TAF2: variants seen among roughly 807,000 people sequenced by gnomAD.
TAF2 encodes TATA-box binding protein associated factor 2.
A neutral mutation model predicts 138.5 loss-of-function variants in TAF2; 61 were observed. That is an observed-to-expected ratio of 0.44 (90% CI 0.36 to 0.54). The LOEUF (loss-of-function observed/expected upper bound fraction) is 0.54. Among genes scored for constraint, TAF2 ranks in the 20% least tolerant of loss-of-function variants. The probability of loss-of-function intolerance (pLI) is 0.00; values close to 1 mark genes in which losing one functional copy is unlikely to be tolerated. For synonymous variants in TAF2, 475 were observed against 469.9 expected (o/e 1.01, Z -0.14); for missense variants, 1,090 against 1,427.9 (o/e 0.76, Z 3.81).
chr8:119,808,481 GT>G (rs1366643134), intron 3 of TAF2, among the ~76,000 whole-genome samples: 1 of 152,152 alleles, frequency 6.6e-6, no homozygotes, highest in Non-Finnish European at 1.5e-5. Context: ...CCAAACCCTT[GT>G]TCATGTTGAT....
rs552791621 is a variant in TAF2, at chr8:119,754,512, A to G, written c.2878+1494T>C. 7.2e-5 allele frequency among the ~76,000 whole-genome samples: 11 copies of G among 152,046 alleles called. No homozygotes were observed. The South Asian group carries it at 1.0e-3, about 14-fold the overall frequency. ...AGCCTGGCCAACATGGTGAAACCCC[A>G]TCTCTACTAAAAATACAGAAGTTAG... is the stretch of plus-strand genomic sequence containing the variant. On this transcript the variant is annotated intron_variant, in intron 22 of 25. Transcript: ENST00000378164.
chr8:119,764,250 C>T (rs1052353532), intron 18 of TAF2, among the ~76,000 whole-genome samples: 8 of 152,144 alleles, frequency 5.3e-5, no homozygotes, highest in African/African-American at 1.9e-4. Context: ...AGGCATGGAA[C>T]ACACAAGAAC....
At chr8:119,757,935 TA>T in intron 21 of TAF2, 137 bp downstream of exon 21, 1 of 774,014 alleles carries the variant, frequency 1.3e-6, no homozygotes, top group East Asian at 2.5e-5. Context: ...AAATCAAATT[TA>T]AAAAGGACAT....
Position 119,731,408 on chromosome 8 carries a change from C to T in TAF2, c.*516G>A, listed in dbSNP as rs963026648. 17 of 153,460 alleles carry T rather than the reference C, an allele frequency of 1.1e-4. No individual in the cohort carries two copies. Among genetic ancestry groups the T allele is most frequent in the Non-Finnish European group, 1.0e-4 (7 of 68,844 alleles). The allele number at this position is 153,460 out of a possible 1,614,324, so 9.5% of individuals were successfully genotyped here. On this transcript the variant is annotated 3_prime_UTR_variant, in exon 26 of 26. Transcript: ENST00000378164. Reference sequence around the variant, plus strand: ...CATAAATTCTGATGCTTAGTTTCTACGTTAATACAAAAATGGTGCAATAAG... The same window carrying T: ...CATAAATTCTGATGCTTAGTTTCTATGTTAATACAAAAATGGTGCAATAAG...
chr8:119,766,557 A>AG (rs1208039733), intron 18 of TAF2, among the ~76,000 whole-genome samples: 1 of 152,220 alleles, frequency 6.6e-6, no homozygotes, highest in Admixed American at 6.5e-5. Context: ...TGGGAGGCTG[A>AG]GGTGGGTGGA....
At chr8:119,828,874 C>T (rs1826261526) in intron 2 of TAF2, among the ~76,000 whole-genome samples, 1 of 152,190 alleles carries the variant, frequency 6.6e-6, no homozygotes, top group Non-Finnish European at 1.5e-5. Flanking sequence ...CTTTGTGGGT[C>T]ACACAGTCTC....
In TAF2 at chr8:119,791,442, T is replaced by C. The variant is rs1199965661; in HGVS notation, c.1295A>G (p.His432Arg). 1 of 1,613,652 alleles carries C rather than the reference T, an allele frequency of 6.2e-7. No homozygotes were observed. Among genetic ancestry groups the C allele is most frequent in the South Asian group, 1.1e-5 (1 of 91,072 alleles). ...TGTATGTGGATGCTTTATTGAAAAG[T>C]GTAGATGGGAAGCCGGACTAAAAAA... ...KEKDNPASHL[H>R]FSIKHPHTLS... The change falls in exon 11 of 26, where the codon CAC becomes CGC. Residue 432 changes from histidine to arginine, a missense_variant. Physicochemically the swap from His to Arg is conservative, Grantham distance 29 (BLOSUM62 0). This residue lies in a region of TAF2 where 504 missense variants were observed against 680.9 expected (regional missense o/e 0.74). Transcript: ENST00000378164.
chr8:119,786,636 C>T (rs1304893638), intron 14 of TAF2, among the ~76,000 whole-genome samples: 1 of 152,192 alleles, frequency 6.6e-6, no homozygotes, highest in Non-Finnish European at 1.5e-5. Context: ...ATTAGGTATA[C>T]ATAGGCCGGG....
At position 119,797,723 on chromosome 8, in the gene TAF2, T is replaced by A. The variant is rs1476157767; in HGVS notation, c.916A>T (p.Thr306Ser). 9.3e-6 allele frequency: 15 copies of A among 1,613,474 alleles called. No homozygotes were observed. The highest frequency in any genetic ancestry group is 1.2e-5 in the Non-Finnish European group (14 of 1,179,710). The stretch of plus-strand genomic sequence containing the variant: ...ACATAAGCCTCATCAATGAAGACAG[T>A]CTTAAAACAGGAGTATGGGTAACGA... ...TCRYPYSCFK[T>S]VFIDEAYVEV... Residue 306 changes from threonine to serine, a missense_variant, in exon 7 of 26, where the codon ACT (threonine) becomes TCT (serine). Thr to Ser is a moderately conservative substitution (Grantham distance 58). This residue lies in a region of TAF2 where 504 missense variants were observed against 680.9 expected (regional missense o/e 0.74). Coordinates refer to ENST00000378164, the MANE Select transcript of TAF2 (RefSeq NM_003184.4).
chr8:119,832,373 AGTTTCCCACTAG>A (rs2131282124), intron 1 of TAF2, 97 bp downstream of exon 1: 2 of 962,338 alleles, frequency 2.1e-6, no homozygotes, highest in South Asian at 2.8e-5. Flanking sequence ...AGTAAATTCT[AGTTTCCCACTAG>A]GTTTCCCAGG....
chr8:119,804,924 A>G (rs1389382275), intron 4 of TAF2, among the ~76,000 whole-genome samples: 1 of 151,986 alleles, frequency 6.6e-6, no homozygotes, highest in Non-Finnish European at 1.5e-5. Flanking sequence ...TAAGATTTTA[A>G]TTTCCCTCCA....
Position 119,783,482 on chromosome 8 carries a change from T to C in TAF2, c.2011A>G (p.Lys671Glu), listed in dbSNP as rs761391777. The C allele has an allele frequency of 6.2e-7, 1 of 1,614,142 alleles. No individual in the cohort carries two copies. Among genetic ancestry groups the C allele is most frequent in the Admixed American group, 1.7e-5 (1 of 60,014 alleles). ...AGCCGAGATGCTGGAGTAGGGAATT[T>C]TTCCAAAGCCAAAATGGATTCCTGC... ...AQQESILALE[K>E]FPTPASRLAL... Residue 671 changes from lysine (K) to glutamate (E), a missense_variant, in exon 16 of 26, where the codon AAA (lysine) becomes GAA (glutamate). Physicochemically the swap from Lys to Glu is moderately conservative, Grantham distance 56. Transcript: ENST00000378164.
chr8:119,794,478 T>G (rs559863896), intron 9 of TAF2, among the ~76,000 whole-genome samples: 2 of 151,140 alleles, frequency 1.3e-5, no homozygotes, highest in Non-Finnish European at 2.9e-5. Flanking sequence ...ATAATACAGA[T>G]GTAGTACAGA....
At chr8:119,787,185 A>AG (rs1367040186) in intron 14 of TAF2, among the ~76,000 whole-genome samples, 2 of 152,194 alleles carry the variant, frequency 1.3e-5, no homozygotes, top group Non-Finnish European at 2.9e-5. Flanking sequence ...AGAATCTACA[A>AG]GGAACTTAAA....
chr8:119,797,928 A>C, intron 6 of TAF2, 82 bp from the exon 7 acceptor site: 1 of 1,250,746 alleles, frequency 8.0e-7, no homozygotes, highest in Non-Finnish European at 1.1e-6. Context: ...CTCAACTATA[A>C]ATAAATGTTC....
chr8:119,808,916 T>C (rs1003894969), intron 3 of TAF2, among the ~76,000 whole-genome samples: 7 of 152,200 alleles, frequency 4.6e-5, no homozygotes, highest in Non-Finnish European at 5.9e-5. Context: ...ACAGGAAGAA[T>C]AGATTTAGCA....
intron 1 of TAF2, among the ~76,000 whole-genome samples, chr8:119,832,103 G>A (rs1186985973): frequency 2.0e-5 from 3 of 152,024 alleles, no homozygotes; most frequent in Non-Finnish European, 2.9e-5. Context: ...AGGCTGCAGT[G>A]AGCCGAGATC....
chr8:119,780,952 A>AT, intron 17 of TAF2, 101 bp downstream of exon 17: 1 of 1,175,878 alleles, frequency 8.5e-7, no homozygotes, highest in Non-Finnish European at 1.2e-6. Context: ...AAAAAAAAAA[A>AT]GAATGGAGGC....
intron 16 of TAF2, among the ~76,000 whole-genome samples, chr8:119,782,651 A>G (rs908885427): frequency 6.6e-6 from 1 of 152,228 alleles, no homozygotes; most frequent in African/African-American, 2.4e-5. Context: ...ATTTCTGGAC[A>G]AAGTTTTGTC....
Sources: gnomAD v4.1 joint callset for allele counts (sites outside exome capture counted in the v4.1 genomes callset) on GRCh38, gnomAD v4.1.1 for gene constraint, gnomAD v4.1.1 regional missense constraint, MANE v1.5 for transcripts, NCBI Gene and HGNC (gene_info 2026-07-23, HGNC 2026-07-21) for gene names.